The following DNAH7 variants were observed in gnomAD, a reference collection of about 807,000 sequenced individuals.
DNAH7 encodes the protein axonemal beta dynein heavy chain 7.
DNAH7 carries 397 observed loss-of-function variants against 444.6 expected under a neutral mutation model. The ratio of observed to expected loss-of-function variants is 0.89; its 90% CI spans 0.82 to 0.97. The LOEUF (loss-of-function observed/expected upper bound fraction) is 0.97, where lower values mean the gene tolerates loss of function less well. Ranked by LOEUF, DNAH7 falls within the 50% of genes least tolerant of loss-of-function variation. DNAH7 has a pLI of 0.00. For missense variants in DNAH7, 4,902 were observed against 4,800.8 expected (o/e 1.02, Z -0.62); for synonymous variants, 1,636 against 1,624.4 (o/e 1.01, Z -0.17).
chr2:195,948,125 A>G (rs1337367343), intron 19 of DNAH7, among the ~76,000 whole-genome samples: 3 of 152,052 alleles, frequency 2.0e-5, no homozygotes, highest in Non-Finnish European at 4.4e-5. Context: ...TGCCTTGCCC[A>G]CTTTCTGATG....
At chr2:195,852,029 T>C (rs960329125) in intron 46 of DNAH7, among the ~76,000 whole-genome samples, 15 of 151,876 alleles carry the variant, frequency 9.9e-5, no homozygotes, top group East Asian at 9.7e-4. Flanking sequence ...GAGGGCAAGG[T>C]GGGCAGATCA....
intron 31 of DNAH7, among the ~76,000 whole-genome samples, chr2:195,889,900 G>T (rs1250119414): frequency 6.6e-6 from 1 of 152,040 alleles, no homozygotes; most frequent in Non-Finnish European, 1.5e-5. Flanking sequence ...GTCCCACAAT[G>T]ATATAATAAA....
chr2:195,809,804 T>G lies in DNAH7; in HGVS notation c.9829A>C (p.Lys3277Gln). The G allele has an allele frequency of 6.2e-7, 1 of 1,601,452 alleles. No individual in the cohort carries two copies. The highest frequency in any genetic ancestry group is 8.5e-7 in the Non-Finnish European group (1 of 1,173,222). ...YVNVCRSLFE[K>Q]DKLLFSFCLT... ...CAAAAGGAAAAGAGCAGCTTATCCT[T>G]TTCAAAGAGTGACCGGCAGACATTA... The change falls in exon 52 of 65, where the codon AAG (lysine) becomes CAG (glutamine). Residue 3277 changes from lysine (K) to glutamine (Q), a missense_variant. Physicochemically the swap from Lys to Gln is moderately conservative, Grantham distance 53. Transcript: ENST00000312428.
intron 54 of DNAH7, among the ~76,000 whole-genome samples, chr2:195,803,210 T>C (rs1696558756): frequency 6.6e-6 from 1 of 152,216 alleles, no homozygotes. Context: ...GAAATTATAG[T>C]TTTGCAAACA....
chr2:195,830,651 A>G (rs958496704), intron 48 of DNAH7, among the ~76,000 whole-genome samples: 4 of 152,216 alleles, frequency 2.6e-5, no homozygotes, highest in African/African-American at 9.6e-5. Context: ...GTCACAGAAA[A>G]AGAGGTATTT....
In DNAH7 at chr2:195,810,341, C is replaced by T. The variant is rs142179748; in HGVS notation, c.9762-470G>A. Among the ~76,000 whole-genome samples the T allele has an allele frequency of 3.3e-5, 5 of 152,238 alleles. No individual in the cohort carries two copies. The East Asian group carries it at 9.6e-4, about 29-fold the overall frequency. On this transcript the variant is annotated intron_variant, in intron 51 of 64. Coordinates refer to ENST00000312428, the MANE Select transcript of DNAH7 (RefSeq NM_018897.3). The stretch of plus-strand genomic sequence containing the variant: ...AAGCTGAAGAAATCACAAAACTTGG[C>T]AAACTCCATTTTTATTTGCTAGAGG...
At position 195,936,267 on chromosome 2, in the gene DNAH7, G is replaced by A. The variant is rs1483089527; in HGVS notation, c.3272+332C>T. ...CGCACGCCTGTAATCCCAGCTACTC[G>A]GGAAGCTGAGGCAGAAGAATCACTT... On this transcript the variant is annotated intron_variant, in intron 20 of 64. Coordinates refer to ENST00000312428, the MANE Select transcript of DNAH7 (RefSeq NM_018897.3). 2.6e-5 allele frequency among the ~76,000 whole-genome samples: 4 copies of A among 152,166 alleles called. No homozygotes were observed. The South Asian group carries it at 8.3e-4, about 32-fold the overall frequency.
At chr2:196,046,680 C>T (rs1327520294) in intron 5 of DNAH7, among the ~76,000 whole-genome samples, 1 of 152,240 alleles carries the variant, frequency 6.6e-6, no homozygotes, top group Non-Finnish European at 1.5e-5. Context: ...ACTCAGTACC[C>T]ACTGTCCTCC....
chr2:195,800,018 G>A (rs1249377842), intron 54 of DNAH7, among the ~76,000 whole-genome samples: 1 of 152,220 alleles, frequency 6.6e-6, no homozygotes, highest in Non-Finnish European at 1.5e-5. Context: ...AGAAACAGCA[G>A]AACTCTGCAG....
chr2:195,815,724 C>T (rs1242995527), intron 51 of DNAH7, among the ~76,000 whole-genome samples: 2 of 152,112 alleles, frequency 1.3e-5, no homozygotes. Context: ...ATGTCTTGGC[C>T]GGGCATGGTG....
chr2:195,909,484 A>T (rs1309461110), intron 25 of DNAH7, among the ~76,000 whole-genome samples: 1 of 152,126 alleles, frequency 6.6e-6, no homozygotes, highest in Non-Finnish European at 1.5e-5. Context: ...CTTAGAATTT[A>T]AAAAAAGTAA....
intron 19 of DNAH7, among the ~76,000 whole-genome samples, chr2:195,953,171 T>C: frequency 6.6e-6 from 1 of 152,168 alleles, no homozygotes; most frequent in East Asian, 1.9e-4. Flanking sequence ...TTGTTGGTTT[T>C]CCTTCTAATA....
intron 48 of DNAH7, among the ~76,000 whole-genome samples, chr2:195,825,597 G>A (rs974409959): frequency 1.3e-5 from 2 of 152,172 alleles, no homozygotes; most frequent in Non-Finnish European, 2.9e-5. Context: ...CTGCATTTCA[G>A]AATATTTTCC....
At chr2:196,051,276 A>T in intron 2 of DNAH7, 27 bp from the exon 3 acceptor site, 1 of 1,593,640 alleles carries the variant, frequency 6.3e-7, no homozygotes, top group African/African-American at 1.3e-5. Flanking sequence ...AAGGGGAAAA[A>T]AGTGTTTACT....
intron 63 of DNAH7, among the ~76,000 whole-genome samples, chr2:195,751,640 T>C (rs1192116680): frequency 1.3e-5 from 2 of 152,106 alleles, no homozygotes; most frequent in African/African-American, 4.8e-5. Flanking sequence ...ATGGAAGTGG[T>C]GTTCCCAAGA....
chr2:196,050,082 C>T (rs1697373206), intron 3 of DNAH7, among the ~76,000 whole-genome samples: 1 of 152,144 alleles, frequency 6.6e-6, no homozygotes, highest in South Asian at 2.1e-4. Flanking sequence ...GTTTCCTAAG[C>T]GAAACTGTCC....
intron 44 of DNAH7, among the ~76,000 whole-genome samples, chr2:195,856,305 T>A (rs1699700052): frequency 6.6e-6 from 1 of 152,288 alleles, no homozygotes; most frequent in African/African-American, 2.4e-5. Flanking sequence ...GCCTAATTGG[T>A]TAAAGGTGAG....
chr2:195,748,121 A>T (rs1314276287), intron 63 of DNAH7, among the ~76,000 whole-genome samples: 1 of 152,220 alleles, frequency 6.6e-6, no homozygotes, highest in Non-Finnish European at 1.5e-5. Flanking sequence ...TAAGCTGATA[A>T]GCAACTTCAG....
chr2:195,867,082 T>C (rs756721147), intron 40 of DNAH7, among the ~76,000 whole-genome samples: 35 of 152,270 alleles, frequency 2.3e-4, no homozygotes, highest in Non-Finnish European at 4.1e-4. Context: ...CAGTCTCGGG[T>C]ATGTCTTTAT....
Sources: gnomAD v4.1 joint callset for allele counts (sites outside exome capture counted in the v4.1 genomes callset) on GRCh38, gnomAD v4.1.1 for gene constraint, MANE v1.5 for transcripts, NCBI Gene and HGNC (gene_info 2026-07-23, HGNC 2026-07-21) for gene names.